Variants in ANKRD44 observed in about 807,000 individuals in gnomAD.
The protein encoded by ANKRD44 is ankyrin repeat domain 44.
Under a neutral mutation model 116.0 loss-of-function variants are expected in ANKRD44, and 35 were observed. The ratio of observed to expected loss-of-function variants is 0.30; its 90% confidence interval spans 0.23 to 0.40. The LOEUF is 0.40. ANKRD44 is among the 10% of genes least tolerant of loss of function. The probability of loss-of-function intolerance (pLI) is 1.00; values close to 1 mark genes in which losing one functional copy is unlikely to be tolerated. For missense variants in ANKRD44, 1,014 were observed against 1,242.6 expected (o/e 0.82, Z 2.77); for synonymous variants, 435 against 461.8 (o/e 0.94, Z 0.74).
At chr2:197,272,251 T>C (rs528382054) in intron 1 of ANKRD44, among the ~76,000 whole-genome samples, 1 of 152,180 alleles carries the variant, frequency 6.6e-6, no homozygotes, top group East Asian at 1.9e-4. Context: ...TTTGTTTTTG[T>C]TTTTTGAGAT....
At chr2:197,251,958 G>T (rs1051313420) in intron 1 of ANKRD44, among the ~76,000 whole-genome samples, 2 of 152,048 alleles carry the variant, frequency 1.3e-5, no homozygotes, top group East Asian at 1.9e-4. Context: ...TAATATTAAC[G>T]TTTATGCATC....
At chr2:197,073,155 A>T (rs968580932) in intron 16 of ANKRD44, among the ~76,000 whole-genome samples, 3 of 152,200 alleles carry the variant, frequency 2.0e-5, no homozygotes, top group Admixed American at 2.0e-4. Context: ...AGGCAAAGGA[A>T]GACACATTAG....
chr2:196,983,183 TAAAATA>T (rs2125866401), downstream of ANKRD44, among the ~76,000 whole-genome samples: 1 of 151,296 alleles, frequency 6.6e-6, no homozygotes, highest in Non-Finnish European at 1.5e-5. Flanking sequence ...CCCCAGAACT[TAAAATA>T]AAAATAAAAA....
chr2:197,193,593 G>A (rs1037304457), intron 1 of ANKRD44, among the ~76,000 whole-genome samples: 3 of 152,166 alleles, frequency 2.0e-5, no homozygotes, highest in Admixed American at 6.5e-5. Context: ...AAAAAATAAC[G>A]TAACGGCCAG....
At chr2:197,167,906 C>T (rs1027426415) in intron 2 of ANKRD44, among the ~76,000 whole-genome samples, 1 of 152,216 alleles carries the variant, frequency 6.6e-6, no homozygotes, top group African/African-American at 2.4e-5. Context: ...GCAGAGCCAT[C>T]TCTTTTTATC....
At chr2:197,000,282 T>C in intron 23 of ANKRD44, 137 bp downstream of exon 23, 1 of 673,916 alleles carries the variant, frequency 1.5e-6, no homozygotes, top group Non-Finnish European at 2.5e-6. Flanking sequence ...ATTTTAATTA[T>C]ACACCCTCTG....
In ANKRD44 at chr2:197,290,256, A is replaced by C. The variant is rs138339114; in HGVS notation, c.27+20322T>G. ...TTTCCTTTTCACCACATCCACACCA[A>C]CATCTATTGTGTTGCAACTTTTTAA... On this transcript the variant is annotated intron_variant, in intron 1 of 27. Transcript: ENST00000282272. Among the ~76,000 whole-genome samples the C allele has an allele frequency of 4.4e-3, 670 of 152,290 alleles. 1 individual carries two copies. The highest frequency in any genetic ancestry group is 0.015 in the African/African-American group (639 of 41,574).
intron 1 of ANKRD44, among the ~76,000 whole-genome samples, chr2:197,306,501 C>A (rs2084078678): frequency 1.3e-5 from 2 of 152,316 alleles, no homozygotes; most frequent in South Asian, 4.1e-4. Context: ...CCATGAAACA[C>A]CAGCCTCAAG....
At position 197,093,123 on chromosome 2, in the gene ANKRD44, CAT is replaced by C. The variant is rs1553506062; in HGVS notation, c.1101-3093_1101-3092del. Reference sequence around the variant, plus strand: ...AAACACACACACACACACACACACACATATGTTCATATACACGCATAAATAAA... The same window carrying C: ...AAACACACACACACACACACACACACATGTTCATATACACGCATAAATAAA... On this transcript the variant is annotated intron_variant, in intron 10 of 27. Coordinates refer to ENST00000282272, the MANE Select transcript of ANKRD44 (RefSeq NM_001195144.2). Among the ~76,000 whole-genome samples, 11 of 151,780 alleles carry C rather than the reference CAT, an allele frequency of 7.2e-5. No individual in the cohort carries two copies. The South Asian group carries it at 1.0e-3, about 14-fold the overall frequency.
At chr2:197,069,796 G>T (rs987496949) in intron 16 of ANKRD44, among the ~76,000 whole-genome samples, 5 of 151,804 alleles carry the variant, frequency 3.3e-5, no homozygotes, top group African/African-American at 1.2e-4. Context: ...TGAAAACCTT[G>T]CTAGAATTTT....
intron 9 of ANKRD44, among the ~76,000 whole-genome samples, chr2:197,108,127 T>C (rs1223797980): frequency 2.6e-5 from 4 of 152,196 alleles, no homozygotes; most frequent in African/African-American, 7.2e-5. Flanking sequence ...AGCGTGGTGG[T>C]TGAGAGTTCA....
chr2:197,122,929 GCAACTATT>G, intron 6 of ANKRD44, 137 bp from the exon 7 acceptor site: 2 of 1,003,648 alleles, frequency 2.0e-6, no homozygotes, highest in South Asian at 3.4e-5. Context: ...CTGGTTCATG[GCAACTATT>G]CAACAAATAT....
chr2:197,038,573 T>A (rs528716173), intron 16 of ANKRD44, among the ~76,000 whole-genome samples: 1 of 152,148 alleles, frequency 6.6e-6, no homozygotes, highest in Non-Finnish European at 1.5e-5. Context: ...AGAAGATTCA[T>A]CAAAATTAAG....
In ANKRD44 at chr2:197,150,904, T is replaced by C. The variant is rs144732771; in HGVS notation, c.112-3799A>G. Among the ~76,000 whole-genome samples the C allele has an allele frequency of 1.4e-3, 207 of 152,014 alleles. 1 individual carries two copies. Among genetic ancestry groups the C allele is most frequent in the African/African-American group, 4.5e-3 (188 of 41,456 alleles). On this transcript the variant is annotated intron_variant, in intron 2 of 27. Transcript: ENST00000282272. Reference sequence around the variant, plus strand: ...AAGAAAGACTCCTGAGGTGAAATAGTGGACTTGGAAAAAAACAATGACAAA... The same window carrying C: ...AAGAAAGACTCCTGAGGTGAAATAGCGGACTTGGAAAAAAACAATGACAAA...
Position 197,024,873 on chromosome 2 carries a change from CT to C in ANKRD44, c.1722+322del, listed in dbSNP as rs1471091284. ...CAAATCTCTTAAACTGAAATGTATCCTTTGAATTTTAAAGACGGTTAAACTC... is the reference window on the plus strand; with the variant it reads ...CAAATCTCTTAAACTGAAATGTATCCTTGAATTTTAAAGACGGTTAAACTC... On this transcript the variant is annotated intron_variant, in intron 17 of 27. Transcript: ENST00000282272. Among the ~76,000 whole-genome samples, 94 of 152,168 alleles carry C rather than the reference CT, an allele frequency of 6.2e-4. 1 individual carries two copies. Among genetic ancestry groups the C allele is most frequent in the African/African-American group, 2.1e-3 (88 of 41,436 alleles).
intron 2 of ANKRD44, among the ~76,000 whole-genome samples, chr2:197,154,481 T>C (rs2079756021): frequency 6.7e-6 from 1 of 148,910 alleles, no homozygotes; most frequent in Non-Finnish European, 1.5e-5. Flanking sequence ...GCCCGGCCAC[T>C]ATCGGCTTTC....
chr2:197,128,989 A>T (rs1052477365), intron 4 of ANKRD44, among the ~76,000 whole-genome samples: 2 of 152,144 alleles, frequency 1.3e-5, no homozygotes, highest in African/African-American at 4.8e-5. Context: ...TTTATTATTA[A>T]AGTTAATGGG....
chr2:197,152,767 A>G, intron 2 of ANKRD44, among the ~76,000 whole-genome samples: 1 of 152,222 alleles, frequency 6.6e-6, no homozygotes, highest in East Asian at 1.9e-4. Context: ...GAATTGTTAC[A>G]TGCTTTGGAA....
At chr2:197,036,750 G>A (rs2076815849) in intron 16 of ANKRD44, among the ~76,000 whole-genome samples, 1 of 152,136 alleles carries the variant, frequency 6.6e-6, no homozygotes, top group Non-Finnish European at 1.5e-5. Flanking sequence ...AATCCACTGT[G>A]AAAATAGATC....
Sources: allele counts gnomAD v4.1 joint callset (sites outside exome capture counted in the v4.1 genomes callset), GRCh38; gene constraint gnomAD v4.1.1; transcripts MANE v1.5; gene names NCBI Gene and HGNC (gene_info 2026-07-23, HGNC 2026-07-21).